The following SLIT2 variants were observed in gnomAD, a reference collection of about 807,000 sequenced individuals.
SLIT2 encodes the protein slit homolog 2 protein.
In SLIT2, 41 loss-of-function variants were observed where a neutral mutation model predicts 185.7. The observed-to-expected ratio is 0.22, with a 90% CI of 0.17 to 0.29. The LOEUF is 0.29. Ranked by LOEUF, SLIT2 falls within the 10% of genes least tolerant of loss-of-function variation. SLIT2 has a pLI of 1.00. For synonymous variants in SLIT2, 693 were observed against 680.2 expected, an observed-to-expected ratio of 1.02 and a Z score of -0.29; for missense variants, 1,571 against 1,909.0, an observed-to-expected ratio of 0.82 and a Z score of 3.30.
chr4:20,256,621 A>T, intron 1 of SLIT2, 51 bp from the exon 2 acceptor site: 2 of 886,388 alleles, frequency 2.3e-6, no homozygotes, highest in Non-Finnish European at 1.8e-6. Context: ...TACTTGAAGC[A>T]GGTAAACATA....
In SLIT2 at chr4:20,394,367, C is replaced by T. The variant is rs571359557; in HGVS notation, c.396-73385C>T. Among the ~76,000 whole-genome samples the T allele has an allele frequency of 2.0e-4, 31 of 151,992 alleles. 1 individual carries two copies. Among genetic ancestry groups the T allele is most frequent in the African/African-American group, 7.5e-4 (31 of 41,500 alleles). On this transcript the variant is annotated intron_variant, in intron 4 of 36. Coordinates refer to ENST00000504154, the MANE Select transcript of SLIT2 (RefSeq NM_004787.4). ...TATGGAACTTTATTTAAAAGTTTCC[C>T]TTAAATGTGAACTTATGTAAAATCC...
At chr4:20,259,525 A>C (rs895933883) in intron 3 of SLIT2, among the ~76,000 whole-genome samples, 1 of 151,694 alleles carries the variant, frequency 6.6e-6, no homozygotes, top group Non-Finnish European at 1.5e-5. Context: ...TGTTGTTTTA[A>C]ATATTTTCAG....
intron 4 of SLIT2, among the ~76,000 whole-genome samples, chr4:20,445,884 G>A (rs1711734511): frequency 6.6e-6 from 1 of 152,142 alleles, no homozygotes; most frequent in South Asian, 2.1e-4. Context: ...GTGTCAAGTG[G>A]GCTAAAAGCG....
At position 20,382,562 on chromosome 4, in the gene SLIT2, G is replaced by A. The variant is rs575330204; in HGVS notation, c.396-85190G>A. ...AATTTAAAAATCACCATTGACAATAGGATCAGAGAATACGAAATATATACA... is the reference window on the plus strand; with the variant it reads ...AATTTAAAAATCACCATTGACAATAAGATCAGAGAATACGAAATATATACA... On this transcript the variant is annotated intron_variant, in intron 4 of 36. Coordinates refer to ENST00000504154, the MANE Select transcript of SLIT2 (RefSeq NM_004787.4). 5.4e-4 allele frequency among the ~76,000 whole-genome samples: 82 copies of A among 152,188 alleles called. 2 individuals are homozygous for A. The highest frequency in any genetic ancestry group is 3.1e-3 in the Admixed American group (47 of 15,278).
At chr4:20,588,997 A>T (rs1727290465) in intron 29 of SLIT2, among the ~76,000 whole-genome samples, 1 of 152,318 alleles carries the variant, frequency 6.6e-6, no homozygotes, top group Non-Finnish European at 1.5e-5. Context: ...AAGGAAACCA[A>T]GTGTTTTTCT....
At chr4:20,388,965 T>C (rs545259458) in intron 4 of SLIT2, among the ~76,000 whole-genome samples, 5 of 146,852 alleles carry the variant, frequency 3.4e-5, no homozygotes, top group Non-Finnish European at 6.0e-5. Flanking sequence ...TGTCAAAAAA[T>C]ATATGTCAAA....
intron 4 of SLIT2, among the ~76,000 whole-genome samples, chr4:20,403,896 T>TC (rs763697040): frequency 8.0e-4 from 66 of 82,816 alleles, no homozygotes; most frequent in Non-Finnish European, 1.5e-3. Context: ...TTAACTGGAC[T>TC]TAAAAAAAAA....
Position 20,543,902 on chromosome 4 carries a change from A to T in SLIT2, c.2276+1276A>T, listed in dbSNP as rs187080504. Reference sequence around the variant, plus strand: ...AATTAAATATTTAATTCTTATAGTAATGTTTTTTATTTCAGAAGATCACAT... The same window carrying T: ...AATTAAATATTTAATTCTTATAGTATTGTTTTTTATTTCAGAAGATCACAT... On this transcript the variant is annotated intron_variant, in intron 21 of 36. Coordinates refer to ENST00000504154, the MANE Select transcript of SLIT2 (RefSeq NM_004787.4). Among the ~76,000 whole-genome samples the T allele has an allele frequency of 2.3e-3, 355 of 152,184 alleles. 2 individuals are homozygous for T. The highest frequency in any genetic ancestry group is 8.3e-3 in the African/African-American group (344 of 41,538).
chr4:20,377,283 C>T (rs1032823715), intron 4 of SLIT2, among the ~76,000 whole-genome samples: 3 of 151,976 alleles, frequency 2.0e-5, no homozygotes, highest in African/African-American at 4.8e-5. Flanking sequence ...GTATTATATT[C>T]TCTCAGGTAC....
rs372737098 is a variant in SLIT2, at chr4:20,531,003, T to C, written c.1614-981T>C. ...AAAACAAAAAGGGAGAGTAACATAGTGGAAGAAATTGAAACCCTCATACAT... is the reference window on the plus strand; with the variant it reads ...AAAACAAAAAGGGAGAGTAACATAGCGGAAGAAATTGAAACCCTCATACAT... On this transcript the variant is annotated intron_variant, in intron 16 of 36. Coordinates refer to ENST00000504154, the MANE Select transcript of SLIT2 (RefSeq NM_004787.4). 4.0e-5 allele frequency among the ~76,000 whole-genome samples: 6 copies of C among 151,076 alleles called. No individual in the cohort carries two copies. The South Asian group carries it at 1.3e-3, about 32-fold the overall frequency.
intron 5 of SLIT2, among the ~76,000 whole-genome samples, chr4:20,468,389 A>G (rs553676454): frequency 6.6e-6 from 1 of 152,180 alleles, no homozygotes; most frequent in South Asian, 2.1e-4. Context: ...TGACAAAATT[A>G]TGTCTTTCCC....
chr4:20,477,401 G>C (rs1218871676), intron 5 of SLIT2, among the ~76,000 whole-genome samples: 1 of 151,978 alleles, frequency 6.6e-6, no homozygotes, highest in East Asian at 1.9e-4. Context: ...GTTTCACCAT[G>C]TTGGCCAGGC....
At chr4:20,350,311 ACAAATATCCTC>A (rs1339229247) in intron 4 of SLIT2, among the ~76,000 whole-genome samples, 1 of 151,780 alleles carries the variant, frequency 6.6e-6, no homozygotes, top group Non-Finnish European at 1.5e-5. Context: ...AATGCTGAGT[ACAAATATCCTC>A]CAACCCAATT....
chr4:20,266,602 G>A lies in SLIT2; in HGVS notation c.324-2208G>A, dbSNP rs931770248. ...AGAACCTACTAAGGGCCAGAGATTA[G>A]GGAATGTTGACTGAGAGCAGGCTGC... On this transcript the variant is annotated intron_variant, in intron 3 of 36. Transcript: ENST00000504154. Among the ~76,000 whole-genome samples, 4 of 151,972 alleles carry A rather than the reference G, an allele frequency of 2.6e-5. No individual in the cohort carries two copies. In the South Asian group the frequency reaches 8.3e-4, roughly 32 times the overall value.
intron 4 of SLIT2, among the ~76,000 whole-genome samples, chr4:20,459,746 A>G (rs1372484247): frequency 6.6e-6 from 1 of 152,004 alleles, no homozygotes; most frequent in Non-Finnish European, 1.5e-5. Context: ...TTTCTTTTCT[A>G]ATTTCCCTGG....
rs963126900 is a variant in SLIT2 at position 20,253,537 on chromosome 4, T to G, written c.-279T>G. Reference sequence around the variant, plus strand: ...CGCGTGATCTCCTCTCCGCTGCTCTTGGGGTCTCCTTGCAGCCCTGGCCAG... The same window carrying G: ...CGCGTGATCTCCTCTCCGCTGCTCTGGGGGTCTCCTTGCAGCCCTGGCCAG... On this transcript the variant is annotated 5_prime_UTR_variant, in exon 1 of 37. Transcript: ENST00000504154. 7.3e-5 allele frequency: 37 copies of G among 505,128 alleles called. 1 individual carries two copies. The highest frequency in any genetic ancestry group is 1.1e-4 in the Non-Finnish European group (32 of 281,794). The allele number at this position is 505,128 out of a possible 1,614,324, so 31.3% of individuals were successfully genotyped here.
chr4:20,432,265 G>A lies in SLIT2; in HGVS notation c.396-35487G>A, dbSNP rs986247235. Among the ~76,000 whole-genome samples, 5 of 152,110 alleles carry A rather than the reference G, an allele frequency of 3.3e-5. No individual in the cohort carries two copies. The South Asian group carries it at 1.0e-3, about 32-fold the overall frequency. ...TCTCTCTCTTTAAAAAGACAGAAAG[G>A]AAAATAAGGTTTGCAATCAGTATTC... is the stretch of plus-strand genomic sequence containing the variant. On this transcript the variant is annotated intron_variant, in intron 4 of 36. Transcript: ENST00000504154.
At position 20,589,679 on chromosome 4, in the gene SLIT2, C is replaced by G; in HGVS notation, c.3124C>G (p.Gln1042Glu). The G allele has an allele frequency of 6.2e-7, 1 of 1,613,902 alleles. No homozygotes were observed. Among genetic ancestry groups the G allele is most frequent in the Non-Finnish European group, 8.5e-7 (1 of 1,179,942 alleles). The change falls in exon 30 of 37, where the codon CAG (glutamine) becomes GAG (glutamate). Residue 1042 changes from glutamine to glutamate, a missense_variant. Transcript: ENST00000504154. ...LCEEKLDFCA[Q>E]DLNPCQHDSK... ...TGAGGAGAAGCTGGACTTCTGTGCC[C>G]AGGACCTGAACCCCTGCCAGCACGA...
At chr4:20,461,341 G>T (rs150974680) in intron 4 of SLIT2, among the ~76,000 whole-genome samples, 29 of 152,302 alleles carry the variant, frequency 1.9e-4, no homozygotes, top group African/African-American at 6.7e-4. Context: ...ATGAGAGTTT[G>T]CAGGTAACCC....
Sources: allele counts gnomAD v4.1 joint callset (sites outside exome capture counted in the v4.1 genomes callset), GRCh38; gene constraint gnomAD v4.1.1; transcripts MANE v1.5; gene names NCBI Gene and HGNC (gene_info 2026-07-23, HGNC 2026-07-21).